The following DLGAP2 variants were observed in gnomAD, a reference collection of about 807,000 sequenced individuals.
DLGAP2 encodes the protein DLG associated protein 2.
Under a neutral mutation model 100.3 loss-of-function variants are expected in DLGAP2, and 26 were observed. That is an observed-to-expected ratio of 0.26 (90% CI 0.19 to 0.36). DLGAP2 has a LOEUF of 0.36. Ranked by LOEUF, DLGAP2 falls within the 10% of genes least tolerant of loss-of-function variation. The probability of loss-of-function intolerance (pLI) is 1.00; values close to 1 mark genes in which losing one functional copy is unlikely to be tolerated. For missense variants in DLGAP2, 1,858 were observed against 1,453.2 expected, an observed-to-expected ratio of 1.28 and a Z score of -4.53; for synonymous variants, 886 against 630.1, an observed-to-expected ratio of 1.41 and a Z score of -6.08.
chr8:741,805 TC>T (rs1329542079), intron 1 of DLGAP2, among the ~76,000 whole-genome samples: 1 of 152,066 alleles, frequency 6.6e-6, no homozygotes, highest in Non-Finnish European at 1.5e-5. Context: ...GAGCCCTAAC[TC>T]CCTCTCAAGA....
intron 3 of DLGAP2, among the ~76,000 whole-genome samples, chr8:1,470,113 G>T (rs1406324802): frequency 6.6e-6 from 1 of 152,190 alleles, no homozygotes; most frequent in Non-Finnish European, 1.5e-5. Context: ...AATGAGCTGT[G>T]ATCATGCCAC....
chr8:1,377,635 A>G lies in DLGAP2; in HGVS notation c.106+118752A>G, dbSNP rs75247478. Among the ~76,000 whole-genome samples the G allele has an allele frequency of 2.5e-3, 382 of 152,350 alleles. 3 individuals are homozygous for G. The South Asian group carries it at 0.029, about 12-fold the overall frequency. Reference sequence around the variant, plus strand: ...GGCAGAGGACATACCCCAGCCTGTCAGAACCCAGTGTGCCCTGAGGGCCTG... The same window carrying G: ...GGCAGAGGACATACCCCAGCCTGTCGGAACCCAGTGTGCCCTGAGGGCCTG... On this transcript the variant is annotated intron_variant, in intron 3 of 14. Transcript: ENST00000637795.
intron 3 of DLGAP2, among the ~76,000 whole-genome samples, chr8:1,372,177 C>T (rs546795988): frequency 4.0e-5 from 6 of 151,560 alleles, no homozygotes; most frequent in African/African-American, 1.2e-4. Context: ...GTCACCGTGG[C>T]GCCAACGCTG....
chr8:1,334,683 C>T (rs757057352), intron 3 of DLGAP2, among the ~76,000 whole-genome samples: 14 of 152,134 alleles, frequency 9.2e-5, no homozygotes, highest in Non-Finnish European at 4.4e-5. Context: ...ATTCTCGGCA[C>T]TCCAGGGTAA....
intron 2 of DLGAP2, among the ~76,000 whole-genome samples, chr8:914,551 C>T (rs570249173): frequency 6.6e-6 from 1 of 152,116 alleles, no homozygotes; most frequent in Middle Eastern, 3.2e-3. Context: ...AAAATGTGAC[C>T]CCCTGGGGAA....
rs1798043985 is a variant in DLGAP2 at position 1,448,485 on chromosome 8, C to T, written c.107-52881C>T. ...TATAATTTCTGTTCTTTTACATTTG[C>T]TGAGGAGAGCTTTACTTCCAACTAT... On this transcript the variant is annotated intron_variant, in intron 3 of 14. Coordinates refer to ENST00000637795, the MANE Select transcript of DLGAP2 (RefSeq NM_001346810.2). Among the ~76,000 whole-genome samples, 3 of 152,132 alleles carry T rather than the reference C, an allele frequency of 2.0e-5. No individual in the cohort carries two copies. The South Asian group carries it at 6.2e-4, about 32-fold the overall frequency.
At chr8:1,356,568 C>A (rs1391104589) in intron 3 of DLGAP2, among the ~76,000 whole-genome samples, 1 of 152,020 alleles carries the variant, frequency 6.6e-6, no homozygotes, top group Non-Finnish European at 1.5e-5. Context: ...TGAGAGTTAC[C>A]CTGTGGCCCC....
chr8:781,277 G>A lies in DLGAP2; in HGVS notation c.18+43452G>A, dbSNP rs543265745. On this transcript the variant is annotated intron_variant, in intron 1 of 14. Coordinates refer to ENST00000637795, the MANE Select transcript of DLGAP2 (RefSeq NM_001346810.2). The stretch of plus-strand genomic sequence containing the variant: ...TTAAAACTTTGTGTTGAAAATTTTT[G>A]CTTATGTTTTCTCTATTATTTAAAT... 1.4e-4 allele frequency among the ~76,000 whole-genome samples: 21 copies of A among 152,106 alleles called. No individual in the cohort carries two copies. The East Asian group carries it at 4.1e-3, about 29-fold the overall frequency.
At chr8:1,299,891 A>G (rs1344872791) in intron 3 of DLGAP2, 1 of 152,170 alleles carries the variant, frequency 6.6e-6, no homozygotes, top group Non-Finnish European at 1.5e-5. Flanking sequence ...ACCATAGACT[A>G]AGCGGCTTAA....
At chr8:1,541,974 T>G (rs1378433320) in intron 4 of DLGAP2, among the ~76,000 whole-genome samples, 4 of 152,206 alleles carry the variant, frequency 2.6e-5, no homozygotes, top group Admixed American at 2.6e-4. Flanking sequence ...CTTTGATTAT[T>G]GATTTAAGAG....
At chr8:779,042 G>C (rs990420965) in intron 1 of DLGAP2, among the ~76,000 whole-genome samples, 7 of 152,252 alleles carry the variant, frequency 4.6e-5, no homozygotes, top group Non-Finnish European at 7.3e-5. Context: ...TAATCTTGTG[G>C]TGTGCCTTTT....
intron 2 of DLGAP2, among the ~76,000 whole-genome samples, chr8:1,126,486 A>C (rs891697759): frequency 4.6e-5 from 7 of 151,874 alleles, no homozygotes; most frequent in Non-Finnish European, 8.8e-5. Context: ...AAGGCAGGTG[A>C]GGGGCTGGGA....
At chr8:940,841 G>T (rs768819585) in intron 2 of DLGAP2, among the ~76,000 whole-genome samples, 12 of 152,106 alleles carry the variant, frequency 7.9e-5, no homozygotes, top group Non-Finnish European at 1.6e-4. Context: ...CCTCACTGAG[G>T]TCTCTGCTCT....
At chr8:1,501,331 C>T (rs1290100274) in intron 3 of DLGAP2, 35 bp from the exon 4 acceptor site, 11 of 1,534,678 alleles carry the variant, frequency 7.2e-6, no homozygotes, top group South Asian at 1.2e-5. Flanking sequence ...ACACCAGAAA[C>T]GCATTAAAGA....
chr8:1,551,546 C>T (rs745572373), intron 5 of DLGAP2, among the ~76,000 whole-genome samples: 10 of 152,154 alleles, frequency 6.6e-5, no homozygotes, highest in Non-Finnish European at 8.8e-5. Flanking sequence ...CCCAGGAACA[C>T]GCTTCTCTCT....
intron 1 of DLGAP2, among the ~76,000 whole-genome samples, chr8:765,896 C>T (rs945410682): frequency 2.0e-4 from 30 of 152,092 alleles, no homozygotes; most frequent in African/African-American, 3.6e-4. Flanking sequence ...TGGCCGGGTG[C>T]GGTGGCTCAC....
chr8:878,091 C>T (rs764645655), intron 1 of DLGAP2, among the ~76,000 whole-genome samples: 7 of 152,144 alleles, frequency 4.6e-5, no homozygotes, highest in African/African-American at 7.2e-5. Flanking sequence ...AACAGTTTTC[C>T]TTGAGAGTAC....
At chr8:1,443,015 C>T (rs1797882240) in intron 3 of DLGAP2, among the ~76,000 whole-genome samples, 1 of 152,212 alleles carries the variant, frequency 6.6e-6, no homozygotes. Context: ...TTAAAATTAA[C>T]TTTATCATTC....
At chr8:810,152 CTGGAACA>C (rs1796345869) in intron 1 of DLGAP2, among the ~76,000 whole-genome samples, 1 of 152,248 alleles carries the variant, frequency 6.6e-6, no homozygotes, top group South Asian at 2.1e-4. Context: ...CCTCCTCTCT[CTGGAACA>C]TGTGGACTTT....
Sources: allele counts gnomAD v4.1 joint callset (sites outside exome capture counted in the v4.1 genomes callset), GRCh38; gene constraint gnomAD v4.1.1; transcripts MANE v1.5; gene names NCBI Gene and HGNC (gene_info 2026-07-23, HGNC 2026-07-21).